The following CCDC40 variants were observed in gnomAD, a reference collection of about 807,000 sequenced individuals.
CCDC40 encodes coiled-coil domain-containing protein 40.
A neutral mutation model predicts 124.5 loss-of-function variants in CCDC40; 104 were observed. The observed-to-expected ratio is 0.84, with a 90% CI of 0.71 to 0.98. The LOEUF is 0.98. CCDC40 is among the 50% of genes least tolerant of loss of function. CCDC40 has a pLI of 0.00. For synonymous variants in CCDC40, 580 were observed against 602.9 expected, an observed-to-expected ratio of 0.96 and a Z score of 0.56; for missense variants, 1,463 against 1,503.9, an observed-to-expected ratio of 0.97 and a Z score of 0.45.
chr17:80,048,566 G>A lies in CCDC40; in HGVS notation c.677-17G>A, dbSNP rs1434502935. ...TCTCCAGCAGCTCCTCAATGGTGTC[G>A]CTGTCTCTCCCCCCAGTGATCCCCC... On this transcript the variant is annotated splice_polypyrimidine_tract_variant and intron_variant, in intron 4 of 19. Transcript: ENST00000397545. 27 of 1,606,986 alleles carry A rather than the reference G, an allele frequency of 1.7e-5. No homozygotes were observed. The highest frequency in any genetic ancestry group is 3.3e-5 in the South Asian group (3 of 90,840).
intron 4 of CCDC40, 55 bp downstream of exon 4, chr17:80,047,457 C>G: frequency 3.2e-6 from 5 of 1,575,692 alleles, no homozygotes; most frequent in Non-Finnish European, 4.3e-6. Context: ...CCTGCACAGG[C>G]CCTTCTGTGC....
chr17:80,087,982 A>G lies in CCDC40; in HGVS notation c.2620-29A>G, dbSNP rs987196981. On this transcript the variant is annotated intron_variant, in intron 15 of 19. Coordinates refer to ENST00000397545, the MANE Select transcript of CCDC40 (RefSeq NM_017950.4). The surrounding 1 kb of genome is among the most constrained non-coding windows in gnomAD (Gnocchi z 4.5). ...CATCCACAATCCCATGGCCCTCCCCACAGCTGTCCCGCCCCCTCCCCCATG... is the reference window on the plus strand; with the variant it reads ...CATCCACAATCCCATGGCCCTCCCCGCAGCTGTCCCGCCCCCTCCCCCATG... The G allele has an allele frequency of 6.8e-7, 1 of 1,472,518 alleles. No individual in the cohort carries two copies. Among genetic ancestry groups the G allele is most frequent in the Admixed American group, 1.7e-5 (1 of 59,716 alleles). 91.2% of individuals were successfully genotyped at this position (1,472,518 alleles called of 1,614,324 possible). A position where few individuals can be genotyped will look rare whatever the true frequency, so the allele number is the denominator to read the frequency against.
At chr17:80,061,250 G>A (rs1337651649) in intron 9 of CCDC40, among the ~76,000 whole-genome samples, 1 of 152,212 alleles carries the variant, frequency 6.6e-6, no homozygotes, top group Non-Finnish European at 1.5e-5. Flanking sequence ...GGAGGCTGAG[G>A]CAGGAGAATC....
chr17:80,042,684 C>T (rs796229276), intron 3 of CCDC40, among the ~76,000 whole-genome samples: 10 of 152,258 alleles, frequency 6.6e-5, no homozygotes, highest in South Asian at 2.1e-4. Flanking sequence ...TGGCTAGAAC[C>T]GCCAGCACCA....
intron 3 of CCDC40, among the ~76,000 whole-genome samples, chr17:80,045,284 G>T (rs959686811): frequency 1.3e-5 from 2 of 152,218 alleles, no homozygotes; most frequent in African/African-American, 4.8e-5. Context: ...AGGGTGGCAT[G>T]AGATGAGCTT....
At chr17:80,091,785 TC>T in intron 17 of CCDC40, among the ~76,000 whole-genome samples, 1 of 152,146 alleles carries the variant, frequency 6.6e-6, no homozygotes, top group Non-Finnish European at 1.5e-5. Flanking sequence ...TTTTTTTTCT[TC>T]TAGACTATGT....
chr17:80,052,587 C>A (rs2037629612), intron 7 of CCDC40, among the ~76,000 whole-genome samples: 1 of 139,310 alleles, frequency 7.2e-6, no homozygotes, highest in South Asian at 2.2e-4. Context: ...ATCACCGACA[C>A]TAAACCTTCA....
intron 7 of CCDC40, among the ~76,000 whole-genome samples, chr17:80,051,477 A>C (rs2037587335): frequency 6.6e-6 from 1 of 150,994 alleles, no homozygotes; most frequent in South Asian, 2.1e-4. Context: ...AAAATACAAA[A>C]AATTAGCCGG....
intron 5 of CCDC40, among the ~76,000 whole-genome samples, chr17:80,049,211 A>G (rs892264689): frequency 9.9e-5 from 15 of 151,468 alleles, no homozygotes; most frequent in African/African-American, 2.7e-4. Flanking sequence ...CCTGGCCAAC[A>G]TGGTGAAACC....
At chr17:80,075,235 G>C (rs2143715851) in intron 10 of CCDC40, among the ~76,000 whole-genome samples, 1 of 147,084 alleles carries the variant, frequency 6.8e-6, no homozygotes, top group South Asian at 2.1e-4. Flanking sequence ...AAAGTGCTGG[G>C]ATTACAGGCA....
chr17:80,056,003 TATATATATA>T (rs2037731924), intron 7 of CCDC40, among the ~76,000 whole-genome samples: 12 of 23,460 alleles, frequency 5.1e-4, no homozygotes, highest in South Asian at 1.5e-3. Context: ...TATATATATA[TATATATATA>T]TATATTTTTT....
intron 17 of CCDC40, chr17:80,090,524 T>C: frequency 6.6e-7 from 1 of 1,522,492 alleles, no homozygotes; most frequent in Non-Finnish European, 8.8e-7. Flanking sequence ...TTATTCCTAC[T>C]CCATGTAATC....
At chr17:80,098,696 T>C (rs1008986538) in intron 19 of CCDC40, 2 of 152,312 alleles carry the variant, frequency 1.3e-5, no homozygotes, top group African/African-American at 4.8e-5. Context: ...CCCAGCACTT[T>C]GGGAGGCCGC....
At position 80,097,421 on chromosome 17, in the gene CCDC40, G is replaced by A. The variant is rs749873067; in HGVS notation, c.3180+18G>A. On this transcript the variant is annotated intron_variant, in intron 19 of 19. Transcript: ENST00000397545. Reference sequence around the variant, plus strand: ...AACGACAGGTAAACGTGTCCCAGGAGGTCCCTGGGGATGACGGCCATGGAA... The same window carrying A: ...AACGACAGGTAAACGTGTCCCAGGAAGTCCCTGGGGATGACGGCCATGGAA... 2 of 1,613,458 alleles carry A rather than the reference G, an allele frequency of 1.2e-6. No homozygotes were observed. The highest frequency in any genetic ancestry group is 1.7e-6 in the Non-Finnish European group (2 of 1,179,644).
intron 7 of CCDC40, among the ~76,000 whole-genome samples, chr17:80,052,767 A>AG (rs1311201725): frequency 6.6e-6 from 1 of 152,192 alleles, no homozygotes; most frequent in Non-Finnish European, 1.5e-5. Flanking sequence ...AGTGTTAGGA[A>AG]GAGGGGTACG....
chr17:80,056,004 A>ATCTT (rs1262463030), intron 7 of CCDC40, among the ~76,000 whole-genome samples: 1 of 8,388 alleles, frequency 1.2e-4, no homozygotes, highest in African/African-American at 3.6e-4. Context: ...ATATATATAT[A>ATCTT]TATATATATA....
At chr17:80,090,302 C>T (rs1444293335) in intron 17 of CCDC40, 11 of 1,329,814 alleles carry the variant, frequency 8.3e-6, no homozygotes, top group Admixed American at 4.5e-5. Flanking sequence ...CGCGCAGGCA[C>T]GTGCACGAAC....
chr17:80,043,990 G>A (rs1476439932), intron 3 of CCDC40, among the ~76,000 whole-genome samples: 1 of 152,116 alleles, frequency 6.6e-6, no homozygotes, highest in Non-Finnish European at 1.5e-5. Flanking sequence ...TTCTGCGAGG[G>A]GAGATGGGAG....
chr17:80,081,466 C>G (rs2038446733), intron 10 of CCDC40, 80 bp from the exon 11 acceptor site: 12 of 1,573,392 alleles, frequency 7.6e-6, no homozygotes, highest in Non-Finnish European at 9.6e-6. Flanking sequence ...TTAGTGAGCT[C>G]CCTCGTGTGG....
Sources: gnomAD v4.1 joint callset for allele counts (sites outside exome capture counted in the v4.1 genomes callset) on GRCh38, gnomAD v4.1.1 for gene constraint, Gnocchi (gnomAD v3.1) non-coding constraint, MANE v1.5 for transcripts, NCBI Gene and HGNC (gene_info 2026-07-23, HGNC 2026-07-21) for gene names.